NSUN7: variants seen among roughly 807,000 people sequenced by gnomAD.
NSUN7 encodes the protein protein NSUN7.
NSUN7 carries 39 observed loss-of-function variants against 58.5 expected under a neutral mutation model. That is an observed-to-expected ratio of 0.67 (90% CI 0.52 to 0.87). The LOEUF (loss-of-function observed/expected upper bound fraction) is 0.87. Ranked by LOEUF, NSUN7 falls within the 40% of genes least tolerant of loss-of-function variation. The pLI, the probability that NSUN7 is intolerant of heterozygous loss-of-function variation, is 0.00. For synonymous variants in NSUN7, 278 were observed against 303.7 expected (o/e 0.92, Z 0.88); for missense variants, 765 against 844.1 (o/e 0.91, Z 1.16).
chr4:40,808,300 A>G lies in NSUN7; in HGVS notation c.1525-7A>G. 1 of 1,588,402 alleles carries G rather than the reference A, an allele frequency of 6.3e-7. No individual in the cohort carries two copies. Among genetic ancestry groups the G allele is most frequent in the Non-Finnish European group, 8.6e-7 (1 of 1,168,216 alleles). On this transcript the variant is annotated splice_region_variant and splice_polypyrimidine_tract_variant and intron_variant, in intron 11 of 11. Transcript: ENST00000381782. Reference sequence around the variant, plus strand: ...CCCACATTTAGTAAATGCTTCTTTAATTGCAGCGGGACCCTTCTGAGACAG... The same window carrying G: ...CCCACATTTAGTAAATGCTTCTTTAGTTGCAGCGGGACCCTTCTGAGACAG...
At position 40,775,318 on chromosome 4, in the gene NSUN7, A is replaced by G. The variant is rs550482207; in HGVS notation, c.825+368A>G. ...ATGCTAGTGCCATCTTGCATATGAAAAAACAATTGTAATAGTTTTTCATAA... is the reference window on the plus strand; with the variant it reads ...ATGCTAGTGCCATCTTGCATATGAAGAAACAATTGTAATAGTTTTTCATAA... On this transcript the variant is annotated intron_variant, in intron 6 of 11. Coordinates refer to ENST00000381782, the MANE Select transcript of NSUN7 (RefSeq NM_024677.6). The surrounding 1 kb of genome is among the most constrained non-coding windows in gnomAD (Gnocchi z 4.3). 9.8e-4 allele frequency: 152 copies of G among 155,636 alleles called. 2 individuals are homozygous for G. The South Asian group carries it at 0.031, about 32-fold the overall frequency. 9.6% of individuals were successfully genotyped at this position (155,636 alleles called of 1,614,324 possible). A position where few individuals can be genotyped will look rare whatever the true frequency, so the allele number is the denominator to read the frequency against.
At chr4:40,781,072 C>CAT (rs147381643) in intron 7 of NSUN7, among the ~76,000 whole-genome samples, 77 of 149,392 alleles carry the variant, frequency 5.2e-4, no homozygotes, top group African/African-American at 1.5e-3. Context: ...CCCGCCTCGG[C>CAT]ATATATATAT....
chr4:40,806,265 G>A (rs1346638454), intron 10 of NSUN7, among the ~76,000 whole-genome samples: 6 of 152,186 alleles, frequency 3.9e-5, no homozygotes, highest in African/African-American at 1.4e-4. Flanking sequence ...AAAGTGCTGG[G>A]ATTACAGGCG....
chr4:40,772,707 G>T (rs1742069917), intron 4 of NSUN7, among the ~76,000 whole-genome samples: 1 of 152,150 alleles, frequency 6.6e-6, no homozygotes, highest in Non-Finnish European at 1.5e-5. Flanking sequence ...TAACAGAGAT[G>T]CTCATTTACT....
At chr4:40,769,780 A>G (rs762392281) in intron 4 of NSUN7, among the ~76,000 whole-genome samples, 11 of 152,194 alleles carry the variant, frequency 7.2e-5, no homozygotes, top group Non-Finnish European at 1.2e-4. Context: ...TTTATCTCTC[A>G]CATTCTCTCC....
At chr4:40,773,012 G>T (rs1742085402) in intron 4 of NSUN7, 1 of 152,222 alleles carries the variant, frequency 6.6e-6, no homozygotes. Flanking sequence ...TCATGGTGAT[G>T]CTAACCAGTT....
At chr4:40,762,738 C>T (rs1310213014) in intron 4 of NSUN7, 1 of 152,244 alleles carries the variant, frequency 6.6e-6, no homozygotes, top group South Asian at 2.1e-4. Context: ...GAATGACCAC[C>T]TGAGTTCTAC....
chr4:40,751,626 A>G (rs1740839492), intron 2 of NSUN7, among the ~76,000 whole-genome samples: 1 of 152,176 alleles, frequency 6.6e-6, no homozygotes, highest in Admixed American at 6.5e-5. Context: ...ACTAGCTTTA[A>G]TGGGAGGAGC....
chr4:40,767,695 C>T (rs1475294420), intron 4 of NSUN7, among the ~76,000 whole-genome samples: 3 of 152,142 alleles, frequency 2.0e-5, no homozygotes, highest in Non-Finnish European at 4.4e-5. Context: ...AAGAAAGATA[C>T]TGGGATATCT....
At chr4:40,764,096 C>G (rs1378658741) in intron 4 of NSUN7, among the ~76,000 whole-genome samples, 2 of 150,494 alleles carry the variant, frequency 1.3e-5, no homozygotes, top group Non-Finnish European at 3.0e-5. Context: ...TATTATTATA[C>G]TTTAAGTTTT....
At chr4:40,760,818 C>A (rs112405308) in intron 3 of NSUN7, among the ~76,000 whole-genome samples, 1 of 146,910 alleles carries the variant, frequency 6.8e-6, no homozygotes, top group Non-Finnish European at 1.5e-5. Context: ...AGCTAGATTG[C>A]GCCATTGCAC....
chr4:40,789,087 A>T (rs1742964390), intron 7 of NSUN7, among the ~76,000 whole-genome samples: 1 of 152,232 alleles, frequency 6.6e-6, no homozygotes, highest in South Asian at 2.1e-4. Flanking sequence ...CACAAAGGCA[A>T]CTGAGTGGAA....
intron 9 of NSUN7, among the ~76,000 whole-genome samples, chr4:40,796,223 G>A (rs1195175778): frequency 2.6e-5 from 4 of 152,222 alleles, no homozygotes; most frequent in South Asian, 2.1e-4. Context: ...GCGTGTTGGC[G>A]CATGCCTGTA....
intron 7 of NSUN7, among the ~76,000 whole-genome samples, chr4:40,781,212 C>T (rs969301747): frequency 6.6e-5 from 10 of 151,958 alleles, no homozygotes; most frequent in African/African-American, 2.4e-4. Flanking sequence ...CACCACCTCA[C>T]CCAGATAATT....
In NSUN7 at chr4:40,786,685, A is replaced by C. The variant is rs1346390200; in HGVS notation, c.1037-3917A>C. On this transcript the variant is annotated intron_variant, in intron 7 of 11. Transcript: ENST00000381782. ...TGATATGATCATTAAAAGAAGAAAA[A>C]TGTTGCGGCAACAGAAAAAGAAAGA... 11 of 1,579,020 alleles carry C rather than the reference A, an allele frequency of 7.0e-6. No individual in the cohort carries two copies. The Admixed American group carries it at 2.1e-4, about 31-fold the overall frequency.
chr4:40,762,075 G>A (rs1446004501), intron 4 of NSUN7, among the ~76,000 whole-genome samples: 1 of 152,166 alleles, frequency 6.6e-6, no homozygotes, highest in Admixed American at 6.6e-5. Context: ...TGTGAGATGG[G>A]TTTGCTCTCT....
chr4:40,757,910 G>GTTTGTTTGTTTC (rs1168898693), intron 2 of NSUN7, among the ~76,000 whole-genome samples: 2 of 151,204 alleles, frequency 1.3e-5, no homozygotes, highest in Non-Finnish European at 3.0e-5. Context: ...GTTTTTGTTT[G>GTTTGTTTGTTTC]TTTGTTTGTT....
intron 2 of NSUN7, 107 bp downstream of exon 2, chr4:40,751,098 G>A: frequency 7.8e-7 from 1 of 1,289,322 alleles, no homozygotes; most frequent in Non-Finnish European, 1.1e-6. Flanking sequence ...CCAGGTTTTG[G>A]TTTTAGGCAT....
intron 4 of NSUN7, among the ~76,000 whole-genome samples, chr4:40,770,210 C>CAAAAAA (rs36059628): frequency 1.1e-5 from 1 of 94,766 alleles, no homozygotes; most frequent in African/African-American, 4.0e-5. Context: ...AACTCCATCT[C>CAAAAAA]AAAAAAAAAA....
Sources: gnomAD v4.1 joint callset for allele counts (sites outside exome capture counted in the v4.1 genomes callset) on GRCh38, gnomAD v4.1.1 for gene constraint, Gnocchi (gnomAD v3.1) non-coding constraint, MANE v1.5 for transcripts, NCBI Gene and HGNC (gene_info 2026-07-23, HGNC 2026-07-21) for gene names.